Variants in DSE observed in about 807,000 individuals in gnomAD.
DSE encodes the protein dermatan sulfate epimerase.
In DSE, 36 loss-of-function variants were observed where a neutral mutation model predicts 84.4. The observed-to-expected ratio is 0.43, with a 90% CI of 0.33 to 0.56. The LOEUF (loss-of-function observed/expected upper bound fraction) is 0.56. DSE is among the 20% of genes least tolerant of loss of function. DSE has a pLI of 0.06. For synonymous variants in DSE, 410 were observed against 430.1 expected, an observed-to-expected ratio of 0.95 and a Z score of 0.58; for missense variants, 862 against 1,169.6, an observed-to-expected ratio of 0.74 and a Z score of 3.84.
At chr6:116,280,494 T>C (rs373011269) in intron 2 of DSE, among the ~76,000 whole-genome samples, 6 of 152,370 alleles carry the variant, frequency 3.9e-5, no homozygotes, top group Admixed American at 3.9e-4. Context: ...TTGTGCTGCA[T>C]AGTATCGGTA....
chr6:116,348,354 G>A (rs1488540054), intron 2 of DSE, among the ~76,000 whole-genome samples: 2 of 151,898 alleles, frequency 1.3e-5, no homozygotes, highest in Admixed American at 6.6e-5. Context: ...GTGAACCTGG[G>A]AGACGGAGCT....
intron 2 of DSE, among the ~76,000 whole-genome samples, chr6:116,419,837 G>A (rs1372221151): frequency 1.3e-5 from 2 of 152,116 alleles, no homozygotes; most frequent in Non-Finnish European, 2.9e-5. Context: ...TATTTTATAG[G>A]TTGGTAAAAC....
At chr6:116,286,185 C>G (rs1288896683) in intron 2 of DSE, among the ~76,000 whole-genome samples, 1 of 152,138 alleles carries the variant, frequency 6.6e-6, no homozygotes, top group African/African-American at 2.4e-5. Flanking sequence ...TTTGTGTCCT[C>G]TTTTATTTCG....
rs969462672 is a variant in DSE at position 116,338,162 on chromosome 6, T to C, written c.-53-61036T>C. 4.5e-5 allele frequency among the ~76,000 whole-genome samples: 5 copies of C among 112,174 alleles called. No individual in the cohort carries two copies. The Admixed American group carries it at 5.4e-4, about 12-fold the overall frequency. 73.6% of individuals were successfully genotyped at this position (112,174 alleles called of 152,430 possible). A position where few individuals can be genotyped will look rare whatever the true frequency, so the allele number is the denominator to read the frequency against. On this transcript the variant is annotated intron_variant, in intron 2 of 3. Coordinates refer to the DSE transcript ENST00000430252. ...TTTGCATCCTTTCTTTGTGCCTTCC[T>C]TTCTGTCTCTTTCTCTTTCTTTCTT...
upstream of DSE, among the ~76,000 whole-genome samples, chr6:116,365,543 G>A (rs779154733): frequency 1.3e-5 from 2 of 152,190 alleles, no homozygotes; most frequent in East Asian, 3.8e-4. Flanking sequence ...GTGAGCCACC[G>A]CACGTGGCCG....
In DSE at chr6:116,439,540, C is replaced by T. The variant is rs1209452314; in HGVS notation, c.*2195C>T. 1 of 151,242 alleles carries T rather than the reference C, an allele frequency of 6.6e-6. No individual in the cohort carries two copies. Among genetic ancestry groups the T allele is most frequent in the Non-Finnish European group, 1.5e-5 (1 of 67,882 alleles). The allele number at this position is 151,242 out of a possible 1,614,324, so 9.4% of individuals were successfully genotyped here. On this transcript the variant is annotated 3_prime_UTR_variant, in exon 6 of 6. Transcript: ENST00000644252. ...AAAAAAAAATGCTGAAACAAATCAC[C>T]CCTCTTCATAATGAAACATGTTTTT...
rs1231867247 is a variant in DSE at position 116,441,805 on chromosome 6, A to G, written c.*4460A>G. The G allele has an allele frequency of 1.3e-5, 2 of 152,230 alleles. No individual in the cohort carries two copies. The highest frequency in any genetic ancestry group is 2.9e-5 in the Non-Finnish European group (2 of 68,042). The allele number at this position is 152,230 out of a possible 1,614,324, so 9.4% of individuals were successfully genotyped here. ...TCCCACAGCACTTTTCAGTTGAGTT[A>G]ACAAATAACGAATGACAATAACATG... On this transcript the variant is annotated 3_prime_UTR_variant, in exon 6 of 6. Coordinates refer to ENST00000644252, the MANE Select transcript of DSE (RefSeq NM_013352.4).
intron 2 of DSE, among the ~76,000 whole-genome samples, chr6:116,422,424 C>A (rs1783153131): frequency 1.3e-5 from 2 of 152,162 alleles, no homozygotes; most frequent in African/African-American, 4.8e-5. Flanking sequence ...TGCTAACACC[C>A]AAATTGAGAT....
At chr6:116,289,872 T>G (rs903979978) in intron 2 of DSE, among the ~76,000 whole-genome samples, 2 of 152,114 alleles carry the variant, frequency 1.3e-5, no homozygotes, top group Non-Finnish European at 2.9e-5. Flanking sequence ...CAAGCCATTC[T>G]ATGCACATCT....
At chr6:116,350,800 C>CT (rs1778265727) in intron 2 of DSE, among the ~76,000 whole-genome samples, 1 of 152,040 alleles carries the variant, frequency 6.6e-6, no homozygotes, top group South Asian at 2.1e-4. Flanking sequence ...ACCAAATACT[C>CT]TGACTCCAAG....
At chr6:116,403,238 A>G (rs577076693) in intron 2 of DSE, among the ~76,000 whole-genome samples, 1 of 152,284 alleles carries the variant, frequency 6.6e-6, no homozygotes, top group African/African-American at 2.4e-5. Context: ...TTGCTAAGGA[A>G]CACACATTCT....
At chr6:116,414,876 G>A (rs1158493625) in intron 2 of DSE, among the ~76,000 whole-genome samples, 1 of 59,304 alleles carries the variant, frequency 1.7e-5, no homozygotes, top group African/African-American at 7.5e-5. Flanking sequence ...TGACCAGCCA[G>A]ACTCTCACTC....
At chr6:116,383,704 T>A (rs1780393357) in intron 1 of DSE, among the ~76,000 whole-genome samples, 1 of 152,224 alleles carries the variant, frequency 6.6e-6, no homozygotes, top group Non-Finnish European at 1.5e-5. Context: ...CTTACAGTCC[T>A]GGGAGATAGA....
intron 2 of DSE, among the ~76,000 whole-genome samples, chr6:116,296,835 G>T (rs565219502): frequency 6.6e-6 from 1 of 152,102 alleles, no homozygotes; most frequent in Non-Finnish European, 1.5e-5. Context: ...TAGGGTGAGG[G>T]TAGGGTGAAT....
intron 2 of DSE, among the ~76,000 whole-genome samples, chr6:116,362,998 CAG>C (rs1328247440): frequency 1.3e-5 from 2 of 152,130 alleles, no homozygotes; most frequent in Admixed American, 1.3e-4. Context: ...GAAGTAAAAA[CAG>C]AATTTCTTCT....
chr6:116,418,799 T>G (rs1782889856), intron 2 of DSE, among the ~76,000 whole-genome samples: 1 of 152,202 alleles, frequency 6.6e-6, no homozygotes, highest in Non-Finnish European at 1.5e-5. Context: ...ATTCAGATAA[T>G]TCTGGATTCC....
At chr6:116,304,272 T>G (rs9481622) in intron 2 of DSE, among the ~76,000 whole-genome samples, 3,477 of 152,310 alleles carry the variant, frequency 0.023, 131 homozygotes, top group African/African-American at 0.079. Context: ...AATATTCATT[T>G]AAAGGAATCA....
intron 2 of DSE, among the ~76,000 whole-genome samples, chr6:116,412,112 C>T (rs1782408634): frequency 6.6e-6 from 1 of 152,122 alleles, no homozygotes; most frequent in African/African-American, 2.4e-5. Context: ...TTTTTAAAGA[C>T]ATATTCTTTG....
At chr6:116,372,333 TGGCG>T (rs1333493274) in intron 1 of DSE, among the ~76,000 whole-genome samples, 4 of 152,096 alleles carry the variant, frequency 2.6e-5, no homozygotes, top group Non-Finnish European at 4.4e-5. Context: ...CCGGGCGTGG[TGGCG>T]GGCGCCTGTA....
Sources: allele counts gnomAD v4.1 joint callset (sites outside exome capture counted in the v4.1 genomes callset), GRCh38; gene constraint gnomAD v4.1.1; transcripts MANE v1.5; gene names NCBI Gene and HGNC (gene_info 2026-07-23, HGNC 2026-07-21).